The following S100PBP variants were observed in gnomAD, a reference collection of about 807,000 sequenced individuals.
S100PBP encodes S100P-binding protein.
S100PBP carries 15 observed loss-of-function variants against 39.9 expected under a neutral mutation model. That is an observed-to-expected ratio of 0.38 (90% CI 0.25 to 0.58). The LOEUF (loss-of-function observed/expected upper bound fraction) is 0.58, where lower values mean the gene tolerates loss of function less well. Ranked by LOEUF, S100PBP falls within the 20% of genes least tolerant of loss-of-function variation. S100PBP has a pLI of 0.70. For missense variants in S100PBP, 504 were observed against 487.3 expected (o/e 1.03, Z -0.32); for synonymous variants, 178 against 180.3 (o/e 0.99, Z 0.10).
At chr1:32,848,368 T>G (rs1640471041) in intron 5 of S100PBP, among the ~76,000 whole-genome samples, 1 of 152,174 alleles carries the variant, frequency 6.6e-6, no homozygotes, top group Non-Finnish European at 1.5e-5. Context: ...TTCCCTAATC[T>G]AATCTGCTTC....
intron 5 of S100PBP, among the ~76,000 whole-genome samples, chr1:32,832,680 T>C (rs1639652667): frequency 6.6e-6 from 1 of 152,224 alleles, no homozygotes; most frequent in Non-Finnish European, 1.5e-5. Context: ...ATGTGAATTA[T>C]AGTGCAGCCA....
intron 5 of S100PBP, among the ~76,000 whole-genome samples, chr1:32,843,532 C>T (rs528072528): frequency 1.3e-5 from 2 of 152,108 alleles, no homozygotes; most frequent in East Asian, 3.9e-4. Flanking sequence ...TCTCGGCTCA[C>T]GAAAACCTCC....
intron 5 of S100PBP, among the ~76,000 whole-genome samples, chr1:32,833,759 C>G (rs1639702210): frequency 6.6e-6 from 1 of 151,910 alleles, no homozygotes; most frequent in Admixed American, 6.6e-5. Flanking sequence ...CTAGAAATAA[C>G]AAAATTAACA....
Position 32,817,655 on chromosome 1 carries a change from A to C in S100PBP, c.-154A>C, listed in dbSNP as rs1638799158. On this transcript the variant is annotated 5_prime_UTR_variant, in exon 1 of 7. Coordinates refer to ENST00000373475, the MANE Select transcript of S100PBP (RefSeq NM_022753.4). ...TGGCGCAGGGGGCGGAGTGAGGCGC[A>C]GTCGTTCGCCCAGGCTTTGGCCCGG... The C allele has an allele frequency of 3.9e-6, 1 of 258,612 alleles. No individual in the cohort carries two copies. The highest frequency in any genetic ancestry group is 7.7e-6 in the Non-Finnish European group (1 of 129,264). The allele number at this position is 258,612 out of a possible 1,614,324, so 16.0% of individuals were successfully genotyped here.
intron 5 of S100PBP, among the ~76,000 whole-genome samples, chr1:32,839,808 A>G (rs909220950): frequency 6.6e-6 from 1 of 152,074 alleles, no homozygotes; most frequent in Non-Finnish European, 1.5e-5. Context: ...CTGCACCCAG[A>G]CTATTTTCTT....
Position 32,824,827 on chromosome 1 carries a change from C to CATATATATATAT in S100PBP, c.-119-478_-119-467dup, listed in dbSNP as rs56900503. 2.6e-3 allele frequency: 332 copies of CATATATATATAT among 129,594 alleles called. 1 individual carries two copies. The highest frequency in any genetic ancestry group is 0.015 in the Middle Eastern group (4 of 268). 8.0% of individuals were successfully genotyped at this position (129,594 alleles called of 1,614,324 possible). A position where few individuals can be genotyped will look rare whatever the true frequency, so the allele number is the denominator to read the frequency against. On this transcript the variant is annotated intron_variant, in intron 1 of 6. Coordinates refer to ENST00000373475, the MANE Select transcript of S100PBP (RefSeq NM_022753.4). ...TTTTTTTTTTTGCATTTTTTCTATA[C>CATATATATATAT]ATATATATATATATATATAAAGATT...
upstream of S100PBP, chr1:32,817,268 C>A (rs1440177141): frequency 3.1e-6 from 5 of 1,613,686 alleles, no homozygotes; most frequent in Non-Finnish European, 4.2e-6. Flanking sequence ...CTGCTTCCCC[C>A]GCTCAGCCCG....
At chr1:32,817,361 G>GCTCGGCGCTCCGCTTA, upstream of S100PBP, 1 of 1,345,194 alleles carries the variant, frequency 7.4e-7, no homozygotes, top group Non-Finnish European at 1.0e-6. Context: ...CATCAGCTGG[G>GCTCGGCGCTCCGCTTA]CTCGGCGCTC....
chr1:32,834,415 T>A (rs1639730361), intron 5 of S100PBP, among the ~76,000 whole-genome samples: 1 of 152,218 alleles, frequency 6.6e-6, no homozygotes, highest in Non-Finnish European at 1.5e-5. Context: ...CTGAATTTTG[T>A]CTGTTTCTTG....
intron 5 of S100PBP, among the ~76,000 whole-genome samples, chr1:32,831,270 G>A (rs1329616296): frequency 1.3e-5 from 2 of 151,944 alleles, no homozygotes; most frequent in Non-Finnish European, 2.9e-5. Context: ...GTATTGATTA[G>A]AGTTCTAATA....
At chr1:32,854,387 ATTG>A (rs1640742451) in intron 6 of S100PBP, among the ~76,000 whole-genome samples, 1 of 152,202 alleles carries the variant, frequency 6.6e-6, no homozygotes, top group Non-Finnish European at 1.5e-5. Flanking sequence ...GTTATACTGT[ATTG>A]TTTAGGAAAT....
At position 32,856,235 on chromosome 1, in the gene S100PBP, G is replaced by A. The variant is rs189002227; in HGVS notation, c.*197G>A. 17 of 387,678 alleles carry A rather than the reference G, an allele frequency of 4.4e-5. No individual in the cohort carries two copies. In the Admixed American group the frequency reaches 6.2e-4, roughly 14 times the overall value. The allele number at this position is 387,678 out of a possible 1,614,324, so 24.0% of individuals were successfully genotyped here. On this transcript the variant is annotated 3_prime_UTR_variant, in exon 7 of 7. Transcript: ENST00000373475. ...TTTGTATGAAGTCCCTCCTGATTTT[G>A]TGTGTGTGTGTCTGTGTTTAAGCAA...
At chr1:32,826,980 C>A in intron 3 of S100PBP, 50 bp downstream of exon 3, 2 of 1,302,856 alleles carry the variant, frequency 1.5e-6, no homozygotes, top group Non-Finnish European at 2.1e-6. Flanking sequence ...TATTTTTATT[C>A]AGATGTATAG....
intron 5 of S100PBP, among the ~76,000 whole-genome samples, chr1:32,831,950 C>G (rs1180066587): frequency 6.6e-6 from 1 of 152,162 alleles, no homozygotes; most frequent in Non-Finnish European, 1.5e-5. Context: ...AATCTTTTCC[C>G]CATTCAGCAG....
At chr1:32,822,956 G>C (rs1639152664) in intron 1 of S100PBP, among the ~76,000 whole-genome samples, 1 of 152,188 alleles carries the variant, frequency 6.6e-6, no homozygotes, top group Non-Finnish European at 1.5e-5. Context: ...TAGAAGGCCT[G>C]AGTTTGGATT....
chr1:32,828,631 G>C (rs1639447956), intron 4 of S100PBP, among the ~76,000 whole-genome samples: 2 of 152,068 alleles, frequency 1.3e-5, no homozygotes, highest in African/African-American at 4.8e-5. Context: ...TAAAATGTTG[G>C]ATCAGATTAG....
intron 6 of S100PBP, among the ~76,000 whole-genome samples, chr1:32,854,687 C>T (rs2148701561): frequency 6.6e-6 from 1 of 152,318 alleles, no homozygotes; most frequent in East Asian, 1.9e-4. Context: ...CTCAATATTT[C>T]CCAGTGGCTT....
In S100PBP at chr1:32,817,688, A is replaced by G; in HGVS notation, c.-121A>G. 9.1e-6 allele frequency: 2 copies of G among 218,860 alleles called. No homozygotes were observed. Among genetic ancestry groups the G allele is most frequent in the East Asian group, 1.1e-4 (1 of 8,986 alleles). The allele number at this position is 218,860 out of a possible 1,614,324, so 13.6% of individuals were successfully genotyped here. On this transcript the variant is annotated splice_region_variant and 5_prime_UTR_variant, in exon 1 of 7. Coordinates refer to ENST00000373475, the MANE Select transcript of S100PBP (RefSeq NM_022753.4). ...GCCCAGGCTTTGGCCCGGCTTCCGG[A>G]GGTGAAGAGCGGGAGGGACGAGGGG...
chr1:32,847,889 T>C (rs785273), intron 5 of S100PBP, among the ~76,000 whole-genome samples: 150,362 of 152,282 alleles, frequency 0.99, 74,261 homozygotes, highest in East Asian at 1. Flanking sequence ...GGAATAGAGA[T>C]ATTATGATAG....
Sources: allele counts gnomAD v4.1 joint callset (sites outside exome capture counted in the v4.1 genomes callset), GRCh38; gene constraint gnomAD v4.1.1; transcripts MANE v1.5; gene names NCBI Gene and HGNC (gene_info 2026-07-23, HGNC 2026-07-21).